REST: variants seen among roughly 807,000 people sequenced by gnomAD.
REST encodes the protein RE1-silencing transcription factor.
A neutral mutation model predicts 30.4 loss-of-function variants in REST; 1 was observed. The ratio of observed to expected loss-of-function variants is 0.03; its 90% CI spans 0.01 to 0.16. The LOEUF (loss-of-function observed/expected upper bound fraction) is 0.16. Ranked by LOEUF, REST falls within the 10% of genes least tolerant of loss-of-function variation. The probability of loss-of-function intolerance (pLI) is 1.00; values close to 1 mark genes in which losing one functional copy is unlikely to be tolerated. For missense variants in REST, 1,259 were observed against 1,329.5 expected, an observed-to-expected ratio of 0.95 and a Z score of 0.82; for synonymous variants, 504 against 451.1, an observed-to-expected ratio of 1.12 and a Z score of -1.49.
chr4:56,930,805 C>G lies in REST; in HGVS notation c.1947C>G (p.Asp649Glu). Reference sequence around the variant, plus strand: ...GTGCCCAGATACGGCCTGCTCCTGACGAGCCTGTTCAGATGGAGGTGGTTC... The same window carrying G: ...GTGCCCAGATACGGCCTGCTCCTGAGGAGCCTGTTCAGATGGAGGTGGTTC... ...MEGAQIRPAP[D>E]EPVQMEVVQE... The change falls in exon 4 of 4, where the codon GAC (aspartate) becomes GAG (glutamate). Residue 649 changes from aspartate to glutamate, a missense_variant. By Grantham distance (45) the Asp-to-Glu change is conservative (BLOSUM62 2). This residue lies in a region of REST where 856 missense variants were observed against 772.8 expected (regional missense o/e 1.11). Transcript: ENST00000309042. The G allele has an allele frequency of 4.4e-6, 7 of 1,606,340 alleles. No homozygotes were observed. The highest frequency in any genetic ancestry group is 6.0e-6 in the Non-Finnish European group (7 of 1,176,280).
chr4:56,909,685 T>G (rs940582590), intron 1 of REST: 13 of 152,358 alleles, frequency 8.5e-5, no homozygotes, highest in Middle Eastern at 3.4e-3. Flanking sequence ...ACTTCTTACT[T>G]TTTTTAATTT....
chr4:56,910,726 A>G lies in REST; in HGVS notation c.88A>G (p.Met30Val), dbSNP rs758725744. 8.1e-5 allele frequency: 131 copies of G among 1,614,088 alleles called. No individual in the cohort carries two copies. Among genetic ancestry groups the G allele is most frequent in the Admixed American group, 1.8e-4 (11 of 60,002 alleles). Residue 30 changes from methionine to valine, a missense_variant, in exon 2 of 4, where the codon ATG (methionine) becomes GTG (valine). Met to Val is a conservative substitution (Grantham distance 21, BLOSUM62 1). Transcript: ENST00000309042. ...GNIGMALPND[M>V]YDLHDLSKAE... ...CATTGGAATGGCCCTGCCTAACGACATGTATGACTTGCATGACCTTTCCAA... is the reference window on the plus strand; with the variant it reads ...CATTGGAATGGCCCTGCCTAACGACGTGTATGACTTGCATGACCTTTCCAA...
chr4:56,919,495 T>C (rs1560446409), intron 2 of REST, among the ~76,000 whole-genome samples: 2 of 152,256 alleles, frequency 1.3e-5, no homozygotes, highest in East Asian at 1.9e-4. Flanking sequence ...TTTTTACTTA[T>C]CACTACTTAA....
chr4:56,921,555 A>ATGTGC (rs760341226), intron 3 of REST, among the ~76,000 whole-genome samples: 11 of 152,012 alleles, frequency 7.2e-5, no homozygotes, highest in Non-Finnish European at 1.5e-4. Flanking sequence ...GATTACAGGC[A>ATGTGC]TGTGCCACCA....
At chr4:56,925,738 A>G (rs1012512556) in intron 3 of REST, among the ~76,000 whole-genome samples, 1 of 152,238 alleles carries the variant, frequency 6.6e-6, no homozygotes, top group African/African-American at 2.4e-5. Flanking sequence ...ATCTTGATGA[A>G]TATATTTTAA....
chr4:56,908,930 C>G (rs1180755310), intron 1 of REST: 1 of 151,540 alleles, frequency 6.6e-6, no homozygotes, highest in Non-Finnish European at 1.5e-5. Context: ...CGGAGCCCGA[C>G]GCCTCGCGAG....
chr4:56,926,526 A>G (rs1428469029), intron 3 of REST, among the ~76,000 whole-genome samples: 1 of 151,898 alleles, frequency 6.6e-6, no homozygotes, highest in Non-Finnish European at 1.5e-5. Context: ...GTAGGCACGC[A>G]TCACCACGCC....
At chr4:56,926,520 G>C (rs908040207) in intron 3 of REST, among the ~76,000 whole-genome samples, 19 of 151,844 alleles carry the variant, frequency 1.3e-4, no homozygotes, top group Non-Finnish European at 2.4e-4. Context: ...GGGACTGTAG[G>C]CACGCATCAC....
intron 2 of REST, among the ~76,000 whole-genome samples, chr4:56,916,357 C>G (rs1720194088): frequency 6.6e-6 from 1 of 152,190 alleles, no homozygotes; most frequent in Non-Finnish European, 1.5e-5. Context: ...ATAAAGTAAT[C>G]TGTTGTAAAG....
intron 1 of REST, among the ~76,000 whole-genome samples, chr4:56,909,922 C>A (rs372464216): frequency 7.9e-5 from 12 of 152,148 alleles, no homozygotes; most frequent in African/African-American, 1.9e-4. Flanking sequence ...CTTCAGCCTG[C>A]AGAAAAATAA....
intron 3 of REST, among the ~76,000 whole-genome samples, chr4:56,926,590 C>T (rs1447137287): frequency 6.6e-6 from 1 of 150,986 alleles, no homozygotes; most frequent in Admixed American, 6.6e-5. Flanking sequence ...TATATTTTTA[C>T]AAAAATGCCT....
intron 3 of REST, among the ~76,000 whole-genome samples, chr4:56,923,594 G>A (rs1720548239): frequency 6.6e-6 from 1 of 151,854 alleles, no homozygotes; most frequent in Non-Finnish European, 1.5e-5. Flanking sequence ...ACAGGCACCC[G>A]CCACCATGCC....
intron 2 of REST, among the ~76,000 whole-genome samples, chr4:56,916,131 C>G (rs1254596175): frequency 6.6e-6 from 1 of 150,666 alleles, no homozygotes; most frequent in Non-Finnish European, 1.5e-5. Flanking sequence ...ATTTAAAGTT[C>G]AGCAATCTCG....
At chr4:56,929,760 T>C in intron 3 of REST, 81 bp from the exon 4 acceptor site, 5 of 1,266,168 alleles carry the variant, frequency 3.9e-6, no homozygotes, top group Non-Finnish European at 4.4e-6. Context: ...TTGTTGTTAC[T>C]TTACATATAC....
At chr4:56,917,437 A>G (rs62308153) in intron 2 of REST, among the ~76,000 whole-genome samples, 18,783 of 151,974 alleles carry the variant, frequency 0.12, 1,500 homozygotes, top group Middle Eastern at 0.27. Flanking sequence ...TGATCCGCCT[A>G]CCTCCCAAAG....
chr4:56,911,434 CATTT>C lies in REST; in HGVS notation c.798_801del (p.His266GlnfsTer53). On this transcript the variant is annotated frameshift_variant, in exon 2 of 4. Coordinates refer to ENST00000309042, the MANE Select transcript of REST (RefSeq NM_005612.5). LOFTEE classifies it high-confidence loss of function. ...AGTGAGCGAGTATCACTGGAGGAAA[CATTT>C]AAGAAACCATTTTCCAAGGAAAGTA... 1 of 1,614,140 alleles carries C rather than the reference CATTT, an allele frequency of 6.2e-7. No individual in the cohort carries two copies. The highest frequency in any genetic ancestry group is 8.5e-7 in the Non-Finnish European group (1 of 1,180,014).
At chr4:56,918,560 ATTTATT>A (rs1215623321) in intron 2 of REST, among the ~76,000 whole-genome samples, 1 of 152,102 alleles carries the variant, frequency 6.6e-6, no homozygotes, top group Non-Finnish European at 1.5e-5. Context: ...AATGTTTTTT[ATTTATT>A]TTTATTTTTA....
chr4:56,922,930 A>G (rs950086890), intron 3 of REST, among the ~76,000 whole-genome samples: 2 of 152,236 alleles, frequency 1.3e-5, no homozygotes, highest in Non-Finnish European at 2.9e-5. Flanking sequence ...TAGAATGACT[A>G]CATACTTTTA....
chr4:56,931,136 C>T lies in REST; in HGVS notation c.2278C>T (p.Pro760Ser), dbSNP rs775222659. Residue 760 changes from proline (P) to serine (S), a missense_variant, in exon 4 of 4, where the codon CCT (proline) becomes TCT (serine). By Grantham distance (74) the Pro-to-Ser change is moderately conservative. Transcript: ENST00000309042. The stretch of plus-strand genomic sequence containing the variant: ...TCCCATGGAGGTGGTCCAGAAGGAA[C>T]CTGTTAAGATAGAGCTGTCTCCTCC... ...SPPMEVVQKEPVKIELSPPIE... is the reference protein window; with the variant it reads ...SPPMEVVQKESVKIELSPPIE... 2 of 1,604,516 alleles carry T rather than the reference C, an allele frequency of 1.2e-6. No homozygotes were observed. The highest frequency in any genetic ancestry group is 1.7e-4 in the Middle Eastern group (1 of 6,032).
Sources: gnomAD v4.1 joint callset for allele counts (sites outside exome capture counted in the v4.1 genomes callset) on GRCh38, gnomAD v4.1.1 for gene constraint, gnomAD v4.1.1 regional missense constraint, MANE v1.5 for transcripts, NCBI Gene and HGNC (gene_info 2026-07-23, HGNC 2026-07-21) for gene names.